Variants in HAPLN3 observed in about 807,000 individuals in gnomAD.
HAPLN3 encodes hyaluronan and proteoglycan link protein 3.
HAPLN3 carries 28 observed loss-of-function variants against 28.1 expected under a neutral mutation model. That is an observed-to-expected ratio of 1.00 (90% CI 0.74 to 1.37). HAPLN3 has a LOEUF of 1.37. HAPLN3 is among the 40% of genes most tolerant of loss of function. The probability of loss-of-function intolerance (pLI) is 0.00; values close to 1 mark genes in which losing one functional copy is unlikely to be tolerated. For synonymous variants in HAPLN3, 211 were observed against 213.1 expected, an observed-to-expected ratio of 0.99 and a Z score of 0.09; for missense variants, 513 against 504.6, an observed-to-expected ratio of 1.02 and a Z score of -0.16.
chr15:88,886,259 G>A (rs1056755799), intron 2 of HAPLN3, among the ~76,000 whole-genome samples: 5 of 151,172 alleles, frequency 3.3e-5, no homozygotes, highest in Non-Finnish European at 7.4e-5. Context: ...GCTGAGGCAG[G>A]AGAATCGCTT....
rs976792970 is a variant in HAPLN3, at chr15:88,880,427, G to A, written c.493+930C>T. Reference sequence around the variant, plus strand: ...TCTTATCCTCATTGCCTCTGAGGGAGGTAAAGGAGGAAAGATTGTGATACC... The same window carrying A: ...TCTTATCCTCATTGCCTCTGAGGGAAGTAAAGGAGGAAAGATTGTGATACC... On this transcript the variant is annotated intron_variant, in intron 3 of 4. Coordinates refer to ENST00000359595, the MANE Select transcript of HAPLN3 (RefSeq NM_178232.4). This position sits in a 1 kb window ranked among gnomAD's most constrained non-coding sequence, Gnocchi z 6.0. The A allele has an allele frequency of 7.0e-5, 83 of 1,186,092 alleles. No homozygotes were observed. The highest frequency in any genetic ancestry group is 8.5e-5 in the Non-Finnish European group (80 of 937,082). The allele number at this position is 1,186,092 out of a possible 1,614,324, so 73.5% of individuals were successfully genotyped here.
intron 2 of HAPLN3, among the ~76,000 whole-genome samples, chr15:88,884,324 G>T (rs1354389195): frequency 6.6e-6 from 1 of 152,142 alleles, no homozygotes; most frequent in African/African-American, 2.4e-5. Flanking sequence ...CAGCACTTTG[G>T]GAGGCCAAGG....
chr15:88,889,385 G>C (rs1015146216), intron 1 of HAPLN3, among the ~76,000 whole-genome samples: 2 of 152,138 alleles, frequency 1.3e-5, no homozygotes, highest in African/African-American at 4.8e-5. Flanking sequence ...GTCCAAGCTG[G>C]AGTGCCGTGG....
Position 88,878,263 on chromosome 15 carries a change from G to A in HAPLN3, c.797-7C>T, listed in dbSNP as rs370650897. On this transcript the variant is annotated splice_region_variant and splice_polypyrimidine_tract_variant and intron_variant, in intron 4 of 4. Coordinates refer to ENST00000359595, the MANE Select transcript of HAPLN3 (RefSeq NM_178232.4). ...TCCAGGTAGTACACCCGCCCTGGGGGAAAGGGGGCGTGAGTGCCGTACAGC... is the reference window on the plus strand; with the variant it reads ...TCCAGGTAGTACACCCGCCCTGGGGAAAAGGGGGCGTGAGTGCCGTACAGC... 24 of 1,606,748 alleles carry A rather than the reference G, an allele frequency of 1.5e-5. No individual in the cohort carries two copies. Among genetic ancestry groups the A allele is most frequent in the South Asian group, 8.9e-5 (8 of 89,698 alleles).
In HAPLN3 at chr15:88,893,113, C is replaced by A. The variant is rs767040571; in HGVS notation, c.-48+2346G>T. ...CCTCTCTGTGCCTCCATTTCCTCAT[C>A]TGTAAAAAAAAGGAACTTAAGGCCG... On this transcript the variant is annotated intron_variant, in intron 1 of 4. Coordinates refer to ENST00000359595, the MANE Select transcript of HAPLN3 (RefSeq NM_178232.4). 22 of 797,544 alleles carry A rather than the reference C, an allele frequency of 2.8e-5. No individual in the cohort carries two copies. The South Asian group carries it at 3.2e-4, about 12-fold the overall frequency. The allele number at this position is 797,544 out of a possible 1,614,324, so 49.4% of individuals were successfully genotyped here. A position where few individuals can be genotyped will look rare whatever the true frequency, so the allele number is the denominator to read the frequency against.
At chr15:88,893,928 CA>C (rs10706089) in intron 1 of HAPLN3, among the ~76,000 whole-genome samples, 50,829 of 104,792 alleles carry the variant, frequency 0.49, 11,303 homozygotes, top group African/African-American at 0.62. Context: ...GACTCCATCT[CA>C]AAAAAAAAAA....
intron 1 of HAPLN3, among the ~76,000 whole-genome samples, chr15:88,891,924 C>A (rs1000976637): frequency 6.6e-6 from 1 of 152,176 alleles, no homozygotes; most frequent in Non-Finnish European, 1.5e-5. Flanking sequence ...ATGTCCTGGG[C>A]TCCCCGCTGT....
In HAPLN3 at chr15:88,878,986, G is replaced by A. The variant is rs755075331; in HGVS notation, c.777C>T (p.Cys259=). 12 of 1,610,222 alleles carry A rather than the reference G, an allele frequency of 7.5e-6. No individual in the cohort carries two copies. The highest frequency in any genetic ancestry group is 6.7e-5 in the Admixed American group (4 of 59,620). ...ACTCACCCTTGAGGGCAGTAGCGAA[G>A]CAGAATACATCATAGCGGTGCAGGC... ...HRRLHRYDVF[C]FATALKGRVY... Residue 259 remains cysteine, a synonymous_variant, in exon 4 of 5, where the codon TGC becomes TGT. Transcript: ENST00000359595.
intron 2 of HAPLN3, among the ~76,000 whole-genome samples, chr15:88,884,340 G>A (rs769060748): frequency 1.3e-5 from 2 of 152,110 alleles, no homozygotes; most frequent in Non-Finnish European, 2.9e-5. Context: ...CAAGGCGGGC[G>A]GATCAGGCGG....
chr15:88,881,256 T>C lies in HAPLN3; in HGVS notation c.493+101A>G. On this transcript the variant is annotated intron_variant, in intron 3 of 4. Transcript: ENST00000359595. The surrounding 1 kb of genome is among the most constrained non-coding windows in gnomAD (Gnocchi z 6.0). ...CATGTGGGTTGTTTTGAGAATTAAG[T>C]ACTTTTAAATGTCTAAAGCACAGAG... 7.1e-7 allele frequency: 1 copy of C among 1,407,942 alleles called. No individual in the cohort carries two copies. The highest frequency in any genetic ancestry group is 9.5e-7 in the Non-Finnish European group (1 of 1,048,084). The allele number at this position is 1,407,942 out of a possible 1,614,324, so 87.2% of individuals were successfully genotyped here.
intron 2 of HAPLN3, among the ~76,000 whole-genome samples, chr15:88,882,634 A>C (rs1165050568): frequency 6.6e-6 from 1 of 152,200 alleles, no homozygotes; most frequent in African/African-American, 2.4e-5. Flanking sequence ...CTCATCTTTA[A>C]CTTGGGAGCC....
Position 88,881,378 on chromosome 15 carries a change from G to C in HAPLN3, c.472C>G (p.Leu158Val). The C allele has an allele frequency of 1.2e-6, 2 of 1,612,920 alleles. No homozygotes were observed. The highest frequency in any genetic ancestry group is 8.5e-7 in the Non-Finnish European group (1 of 1,179,520). The stretch of plus-strand genomic sequence containing the variant: ...TCACCCCGCAGCTCCAGCTCCACCA[G>C]ACCGCTTTCATCCTCCAGCCCGTCA... Reference protein sequence around the residue: ...VIDGLEDESGLVELELRGVVF... With the variant: ...VIDGLEDESGVVELELRGVVF... Residue 158 changes from leucine (L) to valine (V), a missense_variant, in exon 3 of 5, where the codon CTG (leucine) becomes GTG (valine). Transcript: ENST00000359595. The surrounding 1 kb of genome is among the most constrained non-coding windows in gnomAD (Gnocchi z 6.0).
In HAPLN3 at chr15:88,878,054, C is replaced by G; in HGVS notation, c.999G>C (p.Gly333=). The change falls in exon 5 of 5, where the codon GGG becomes GGC. Residue 333 remains glycine (G), a synonymous_variant. Coordinates refer to ENST00000359595, the MANE Select transcript of HAPLN3 (RefSeq NM_178232.4). ...YPVVHPHPNC[G]PPEPGVRSFG... ...AGCTTCGGACCCCAGGCTCTGGGGGCCCACAGTTAGGATGCGGGTGAACCA... is the reference window on the plus strand; with the variant it reads ...AGCTTCGGACCCCAGGCTCTGGGGGGCCACAGTTAGGATGCGGGTGAACCA... 3 of 1,613,996 alleles carry G rather than the reference C, an allele frequency of 1.9e-6. No homozygotes were observed. Among genetic ancestry groups the G allele is most frequent in the Non-Finnish European group, 2.5e-6 (3 of 1,179,978 alleles).
chr15:88,881,274 G>T lies in HAPLN3; in HGVS notation c.493+83C>A. On this transcript the variant is annotated intron_variant, in intron 3 of 4. Transcript: ENST00000359595. The surrounding 1 kb of genome is among the most constrained non-coding windows in gnomAD (Gnocchi z 6.0). ...AATTAAGTACTTTTAAATGTCTAAA[G>T]CACAGAGGTCTGGATGTTTTCTCTG... The T allele has an allele frequency of 6.8e-7, 1 of 1,479,412 alleles. No individual in the cohort carries two copies. The highest frequency in any genetic ancestry group is 9.1e-7 in the Non-Finnish European group (1 of 1,102,676). The allele number at this position is 1,479,412 out of a possible 1,614,324, so 91.6% of individuals were successfully genotyped here.
chr15:88,887,035 G>T, intron 2 of HAPLN3, 140 bp downstream of exon 2: 1 of 899,378 alleles, frequency 1.1e-6, no homozygotes, highest in Non-Finnish European at 1.8e-6. Context: ...TGTCTGAGAA[G>T]CAAGCTGGCC....
intron 2 of HAPLN3, among the ~76,000 whole-genome samples, chr15:88,886,068 G>A (rs951123873): frequency 4.6e-5 from 7 of 152,104 alleles, no homozygotes; most frequent in Admixed American, 1.3e-4. Flanking sequence ...GTGTATTTTC[G>A]GCAAGGCTCG....
intron 2 of HAPLN3, among the ~76,000 whole-genome samples, chr15:88,884,688 C>A (rs1282297849): frequency 6.6e-6 from 1 of 152,194 alleles, no homozygotes; most frequent in Non-Finnish European, 1.5e-5. Context: ...GCAAAATGGA[C>A]TTTGCAGATG....
chr15:88,894,933 C>CA (rs1898117437), intron 1 of HAPLN3, among the ~76,000 whole-genome samples: 1 of 152,194 alleles, frequency 6.6e-6, no homozygotes, highest in Admixed American at 6.5e-5. Context: ...GCATCAGTTG[C>CA]CTTTGCCCCA....
chr15:88,886,158 T>C (rs934001883), intron 2 of HAPLN3, among the ~76,000 whole-genome samples: 1 of 151,636 alleles, frequency 6.6e-6, no homozygotes, highest in Non-Finnish European at 1.5e-5. Context: ...AGGACCAGCC[T>C]GGCCAACATG....
Sources: gnomAD v4.1 joint callset for allele counts (sites outside exome capture counted in the v4.1 genomes callset) on GRCh38, gnomAD v4.1.1 for gene constraint, Gnocchi (gnomAD v3.1) non-coding constraint, MANE v1.5 for transcripts, NCBI Gene and HGNC (gene_info 2026-07-23, HGNC 2026-07-21) for gene names.